Variants in EXOC6B observed in about 807,000 individuals in gnomAD.
EXOC6B encodes the protein SEC15 homolog B.
A neutral mutation model predicts 113.5 loss-of-function variants in EXOC6B; 54 were observed. The ratio of observed to expected loss-of-function variants is 0.48; its 90% CI spans 0.38 to 0.60. EXOC6B has a LOEUF of 0.60. Ranked by LOEUF, EXOC6B falls within the 20% of genes least tolerant of loss-of-function variation. The pLI is 0.00. For missense variants in EXOC6B, 797 were observed against 977.5 expected, an observed-to-expected ratio of 0.82 and a Z score of 2.46; for synonymous variants, 357 against 339.0, an observed-to-expected ratio of 1.05 and a Z score of -0.58.
intron 18 of EXOC6B, among the ~76,000 whole-genome samples, chr2:72,447,149 GT>G (rs1696634769): frequency 1.3e-5 from 2 of 151,386 alleles, no homozygotes; most frequent in South Asian, 4.2e-4. Flanking sequence ...ATCCACCTAT[GT>G]TGTATTCAAC....
chr2:72,538,211 C>A (rs1298375996), intron 8 of EXOC6B, among the ~76,000 whole-genome samples: 2 of 152,050 alleles, frequency 1.3e-5, no homozygotes, highest in African/African-American at 2.4e-5. Flanking sequence ...AAGCCTCCTG[C>A]CTTTGCCTCC....
At chr2:72,522,035 G>C (rs1218439582) in intron 8 of EXOC6B, among the ~76,000 whole-genome samples, 3 of 151,738 alleles carry the variant, frequency 2.0e-5, no homozygotes, top group Non-Finnish European at 2.9e-5. Context: ...TATACCATCT[G>C]GAATTTAACC....
chr2:72,706,540 A>AT (rs914335115), intron 6 of EXOC6B, among the ~76,000 whole-genome samples: 7 of 151,690 alleles, frequency 4.6e-5, no homozygotes, highest in Non-Finnish European at 5.9e-5. Flanking sequence ...CCCAGATAAT[A>AT]TTTTTTTTGT....
intron 1 of EXOC6B, among the ~76,000 whole-genome samples, chr2:72,779,439 C>A (rs1308740510): frequency 6.6e-6 from 1 of 151,854 alleles, no homozygotes; most frequent in Non-Finnish European, 1.5e-5. Context: ...TGTGTTTCAA[C>A]AACATAGAAA....
chr2:72,770,302 A>C (rs1416876037), intron 1 of EXOC6B, among the ~76,000 whole-genome samples: 2 of 136,730 alleles, frequency 1.5e-5, no homozygotes, highest in Non-Finnish European at 3.0e-5. Flanking sequence ...TAAACTAGTC[A>C]ACTATCTTAT....
At chr2:72,679,836 C>T (rs959256032) in intron 6 of EXOC6B, among the ~76,000 whole-genome samples, 1 of 152,136 alleles carries the variant, frequency 6.6e-6, no homozygotes, top group African/African-American at 2.4e-5. Context: ...CAATGGTGAC[C>T]AGTCAAGGGA....
At chr2:72,571,326 G>C (rs1478069382) in intron 7 of EXOC6B, among the ~76,000 whole-genome samples, 3 of 152,162 alleles carry the variant, frequency 2.0e-5, no homozygotes, top group South Asian at 4.1e-4. Context: ...AAGGCAGGAG[G>C]ATCACTTGAA....
chr2:72,403,151 T>C (rs183909861), intron 18 of EXOC6B, among the ~76,000 whole-genome samples: 2 of 152,246 alleles, frequency 1.3e-5, no homozygotes, highest in Non-Finnish European at 2.9e-5. Context: ...GCACTTAGCA[T>C]GCACATGGCT....
chr2:72,288,257 A>G (rs1685566059), intron 20 of EXOC6B, among the ~76,000 whole-genome samples: 1 of 152,152 alleles, frequency 6.6e-6, no homozygotes, highest in African/African-American at 2.4e-5. Flanking sequence ...ACTTTGAAAA[A>G]CTATTATTAG....
intron 19 of EXOC6B, among the ~76,000 whole-genome samples, chr2:72,362,647 T>C (rs1169841333): frequency 6.6e-6 from 1 of 152,136 alleles, no homozygotes; most frequent in Non-Finnish European, 1.5e-5. Flanking sequence ...TGAATTATCA[T>C]ACAAATATAT....
At position 72,309,411 on chromosome 2, in the gene EXOC6B, G is replaced by A. The variant is rs748411299; in HGVS notation, c.2196+25536C>T. Among the ~76,000 whole-genome samples, 5 of 152,014 alleles carry A rather than the reference G, an allele frequency of 3.3e-5. No homozygotes were observed. The East Asian group carries it at 5.8e-4, about 18-fold the overall frequency. ...ATTACTGAAAATTAGGCTGAACCTC[G>A]TTTACTCGCTAATCCAACCCTTTAA... On this transcript the variant is annotated intron_variant, in intron 20 of 21. Coordinates refer to ENST00000272427, the MANE Select transcript of EXOC6B (RefSeq NM_015189.3).
At chr2:72,682,357 AAC>A (rs1424805485) in intron 6 of EXOC6B, among the ~76,000 whole-genome samples, 4 of 152,308 alleles carry the variant, frequency 2.6e-5, no homozygotes, top group Admixed American at 2.6e-4. Flanking sequence ...TCACAATTTA[AAC>A]CAGATAAAAT....
intron 18 of EXOC6B, among the ~76,000 whole-genome samples, chr2:72,409,177 AC>A (rs1458751219): frequency 6.6e-6 from 1 of 152,224 alleles, no homozygotes; most frequent in Admixed American, 6.5e-5. Context: ...ATACCATCTC[AC>A]ACCAGTTAGA....
At chr2:72,414,744 G>A (rs910558249) in intron 18 of EXOC6B, among the ~76,000 whole-genome samples, 1 of 152,156 alleles carries the variant, frequency 6.6e-6, no homozygotes, top group African/African-American at 2.4e-5. Context: ...CCAAGAATAC[G>A]ATACTCAACT....
intron 6 of EXOC6B, among the ~76,000 whole-genome samples, chr2:72,626,310 T>G (rs760150524): frequency 6.6e-6 from 1 of 152,120 alleles, no homozygotes; most frequent in Non-Finnish European, 1.5e-5. Flanking sequence ...AACTCCTAAT[T>G]GTATTTGGAG....
intron 6 of EXOC6B, among the ~76,000 whole-genome samples, chr2:72,582,627 C>T (rs375431617): frequency 1.5e-4 from 23 of 152,150 alleles, no homozygotes; most frequent in African/African-American, 4.3e-4. Flanking sequence ...CTCCACCTCC[C>T]GGGTTCAAGC....
chr2:72,570,634 TAA>T (rs1247179479), intron 7 of EXOC6B, among the ~76,000 whole-genome samples: 1 of 152,162 alleles, frequency 6.6e-6, no homozygotes, highest in African/African-American at 2.4e-5. Flanking sequence ...GTAAATAAAT[TAA>T]GAGAGGTACA....
chr2:72,540,320 A>C (rs1397433011), intron 8 of EXOC6B, among the ~76,000 whole-genome samples: 1 of 152,098 alleles, frequency 6.6e-6, no homozygotes, highest in Non-Finnish European at 1.5e-5. Flanking sequence ...TTTTTTATTT[A>C]GAAATTTCAA....
At chr2:72,236,897 T>C (rs1573058032) in intron 20 of EXOC6B, among the ~76,000 whole-genome samples, 1 of 152,256 alleles carries the variant, frequency 6.6e-6, no homozygotes, top group Admixed American at 6.5e-5. Flanking sequence ...AACAACAGAT[T>C]ACGAGTCCCA....
Sources: allele counts gnomAD v4.1 joint callset (sites outside exome capture counted in the v4.1 genomes callset), GRCh38; gene constraint gnomAD v4.1.1; transcripts MANE v1.5; gene names NCBI Gene and HGNC (gene_info 2026-07-23, HGNC 2026-07-21).